Variants in VTI1A observed in about 807,000 individuals in gnomAD.
VTI1A encodes the protein vesicle transport through interaction with t-SNAREs homolog 1A.
VTI1A carries 22 observed loss-of-function variants against 34.9 expected under a neutral mutation model. That is an observed-to-expected ratio of 0.63 (90% confidence interval 0.45 to 0.90). VTI1A has a LOEUF of 0.90. Ranked by LOEUF, VTI1A falls within the 40% of genes least tolerant of loss-of-function variation. The probability of loss-of-function intolerance (pLI) is 0.00; values close to 1 mark genes in which losing one functional copy is unlikely to be tolerated. For missense variants in VTI1A, 268 were observed against 275.6 expected (o/e 0.97, Z 0.20); for synonymous variants, 87 against 97.3 (o/e 0.89, Z 0.62).
At chr10:112,465,190 T>C (rs961796699) in intron 3 of VTI1A, among the ~76,000 whole-genome samples, 21 of 152,234 alleles carry the variant, frequency 1.4e-4, no homozygotes, top group African/African-American at 2.7e-4. Context: ...TTTTTATTAA[T>C]TGCCCATGAG....
chr10:112,788,646 T>C (rs1241819727), intron 7 of VTI1A, among the ~76,000 whole-genome samples: 4 of 152,184 alleles, frequency 2.6e-5, no homozygotes, highest in Non-Finnish European at 5.9e-5. Context: ...TAACATTTAG[T>C]CCATTAACAT....
At chr10:112,518,648 CGT>C (rs1459190645) in intron 3 of VTI1A, among the ~76,000 whole-genome samples, 21 of 56,364 alleles carry the variant, frequency 3.7e-4, no homozygotes, top group African/African-American at 7.2e-4. Flanking sequence ...TGTGTATATA[CGT>C]GTATATATAT....
intron 3 of VTI1A, among the ~76,000 whole-genome samples, chr10:112,514,882 G>GT (rs568407736): frequency 5.0e-4 from 76 of 151,948 alleles, no homozygotes; most frequent in Admixed American, 9.2e-4. Context: ...GGAGTATATC[G>GT]TTTTTTGCAG....
chr10:112,466,946 A>G (rs1478309747), intron 3 of VTI1A, among the ~76,000 whole-genome samples: 1 of 152,078 alleles, frequency 6.6e-6, no homozygotes, highest in Non-Finnish European at 1.5e-5. Context: ...TCACGTTTCC[A>G]TGTCCCTATT....
At chr10:112,576,592 G>A (rs766310508) in intron 5 of VTI1A, among the ~76,000 whole-genome samples, 17 of 152,072 alleles carry the variant, frequency 1.1e-4, no homozygotes, top group Non-Finnish European at 2.1e-4. Context: ...GAGTATCTTG[G>A]GGTGGGATGG....
At chr10:112,665,513 T>C (rs932262165) in intron 5 of VTI1A, among the ~76,000 whole-genome samples, 4 of 152,186 alleles carry the variant, frequency 2.6e-5, no homozygotes, top group African/African-American at 9.7e-5. Context: ...TGCCAATATC[T>C]CTTCTCTTGC....
At chr10:112,663,146 A>C (rs1473104799) in intron 5 of VTI1A, among the ~76,000 whole-genome samples, 3 of 152,182 alleles carry the variant, frequency 2.0e-5, no homozygotes, top group African/African-American at 7.2e-5. Context: ...TTGGGGAGAA[A>C]TATCAGACCA....
intron 3 of VTI1A, among the ~76,000 whole-genome samples, chr10:112,466,237 C>T (rs1487340143): frequency 1.3e-5 from 2 of 152,208 alleles, no homozygotes; most frequent in Admixed American, 6.5e-5. Context: ...TCTAGGCTAC[C>T]GTATACCTTT....
At chr10:112,670,433 A>G (rs898928659) in intron 7 of VTI1A, among the ~76,000 whole-genome samples, 1 of 152,176 alleles carries the variant, frequency 6.6e-6, no homozygotes, top group Non-Finnish European at 1.5e-5. Flanking sequence ...TTTAGGAAAA[A>G]TAGTTTATGC....
intron 4 of VTI1A, among the ~76,000 whole-genome samples, chr10:112,531,130 A>C (rs1219967263): frequency 7.4e-6 from 1 of 135,556 alleles, no homozygotes; most frequent in African/African-American, 2.9e-5. Flanking sequence ...CGCGCGCATG[A>C]ACCCTCACAT....
chr10:112,584,518 G>A (rs1303552308), intron 5 of VTI1A, among the ~76,000 whole-genome samples: 1 of 152,204 alleles, frequency 6.6e-6, no homozygotes, highest in African/African-American at 2.4e-5. Flanking sequence ...GGCATCGCTC[G>A]CCTGTCAGGT....
intron 5 of VTI1A, among the ~76,000 whole-genome samples, chr10:112,587,631 G>C (rs1343005553): frequency 6.6e-6 from 1 of 151,980 alleles, no homozygotes; most frequent in African/African-American, 2.4e-5. Flanking sequence ...TGCACTTCTT[G>C]GACAACTAAA....
chr10:112,819,082 C>T (rs976379611), downstream of VTI1A, among the ~76,000 whole-genome samples: 2 of 152,152 alleles, frequency 1.3e-5, no homozygotes, highest in Non-Finnish European at 2.9e-5. Context: ...TATTCAAATG[C>T]AGAAGAGAAA....
rs556502835 is a variant in VTI1A, at chr10:112,815,297, C to T, written c.568C>T (p.Gln190Ter). The change falls in exon 8 of 8, where the codon CAG becomes TAG. Residue 190 changes from glutamine (Q) to a stop codon, truncating the protein, a stop_gained. Coordinates refer to ENST00000393077, the MANE Select transcript of VTI1A (RefSeq NM_145206.4). LOFTEE classifies it high-confidence loss of function. ...ILTGMLRRII[Q>*]NRILLVILGI... Reference sequence around the variant, plus strand: ...TCCTTTGCTGTCTCCTAGAATCATCCAGAACCGCATCCTGCTCGTCATCCT... The same window carrying T: ...TCCTTTGCTGTCTCCTAGAATCATCTAGAACCGCATCCTGCTCGTCATCCT... 1 of 1,613,700 alleles carries T rather than the reference C, an allele frequency of 6.2e-7. No individual in the cohort carries two copies. The highest frequency in any genetic ancestry group is 1.3e-5 in the African/African-American group (1 of 74,908).
At chr10:112,453,674 C>CT (rs775485691) in intron 1 of VTI1A, among the ~76,000 whole-genome samples, 239 of 151,536 alleles carry the variant, frequency 1.6e-3, no homozygotes, top group Non-Finnish European at 1.8e-3. Flanking sequence ...TTTTTCTTTT[C>CT]TTTTTTTTAA....
chr10:112,793,156 G>A lies in VTI1A; in HGVS notation c.561-22134G>A, dbSNP rs183071723. On this transcript the variant is annotated intron_variant, in intron 7 of 7. Coordinates refer to ENST00000393077, the MANE Select transcript of VTI1A (RefSeq NM_145206.4). ...TGCTGCGGACAGACCAGGAGTAAGC[G>A]GATTATTTCAGACAGCGTTAGGAGG... 9.9e-5 allele frequency among the ~76,000 whole-genome samples: 15 copies of A among 152,246 alleles called. No homozygotes were observed. The East Asian group carries it at 2.5e-3, about 25-fold the overall frequency.
chr10:112,658,964 G>A (rs1847340522), intron 5 of VTI1A, among the ~76,000 whole-genome samples: 1 of 152,198 alleles, frequency 6.6e-6, no homozygotes, highest in African/African-American at 2.4e-5. Flanking sequence ...ACCCAATAGT[G>A]ACTTCTCAAA....
intron 2 of VTI1A, among the ~76,000 whole-genome samples, chr10:112,462,956 G>A (rs929351388): frequency 2.6e-5 from 4 of 151,134 alleles, no homozygotes; most frequent in African/African-American, 9.7e-5. Context: ...ACGGAGTCTC[G>A]CTCCATCGCC....
chr10:112,781,709 TGC>T (rs1852132640), intron 7 of VTI1A, among the ~76,000 whole-genome samples: 4 of 12,690 alleles, frequency 3.2e-4, no homozygotes, highest in African/African-American at 1.0e-3. Context: ...GGTGTGATGG[TGC>T]ACACTCATAG....
Sources: allele counts gnomAD v4.1 joint callset (sites outside exome capture counted in the v4.1 genomes callset), GRCh38; gene constraint gnomAD v4.1.1; transcripts MANE v1.5; gene names NCBI Gene and HGNC (gene_info 2026-07-23, HGNC 2026-07-21).